CCDC138: variants seen among roughly 807,000 people sequenced by gnomAD.
CCDC138 encodes the protein coiled-coil domain containing 138, also known as coiled-coil domain-containing protein 138.
CCDC138 carries 66 observed loss-of-function variants against 82.3 expected under a neutral mutation model. That is an observed-to-expected ratio of 0.80 (90% CI 0.66 to 0.98). The LOEUF is 0.98. Ranked by LOEUF, CCDC138 falls within the 50% of genes least tolerant of loss-of-function variation. The pLI is 0.00. For synonymous variants in CCDC138, 297 were observed against 265.4 expected, an observed-to-expected ratio of 1.12 and a Z score of -1.16; for missense variants, 816 against 758.9, an observed-to-expected ratio of 1.08 and a Z score of -0.88.
At chr2:108,798,712 C>T (rs1573952005) in intron 6 of CCDC138, 126 bp downstream of exon 6, 1 of 56,040 alleles carries the variant, frequency 1.8e-5, no homozygotes, top group South Asian at 4.2e-4. Flanking sequence ...CACGCCTACA[C>T]ACACACACAC....
At chr2:108,845,853 G>A (rs991924898) in intron 11 of CCDC138, among the ~76,000 whole-genome samples, 2 of 152,156 alleles carry the variant, frequency 1.3e-5, no homozygotes, top group African/African-American at 4.8e-5. Flanking sequence ...TTACAGGCGT[G>A]AGCCACCGCG....
At chr2:108,861,228 T>C (rs1693548568) in intron 13 of CCDC138, among the ~76,000 whole-genome samples, 1 of 151,816 alleles carries the variant, frequency 6.6e-6, no homozygotes, top group Non-Finnish European at 1.5e-5. Flanking sequence ...TTTTTTTCTT[T>C]GTTGATCTAG....
intron 13 of CCDC138, among the ~76,000 whole-genome samples, chr2:108,868,648 T>C (rs1309736502): frequency 6.6e-6 from 1 of 151,840 alleles, no homozygotes; most frequent in Non-Finnish European, 1.5e-5. Flanking sequence ...CTGCTGAGAG[T>C]TTCTGGGAAA....
chr2:108,872,656 CAA>C (rs1293415733), intron 13 of CCDC138, among the ~76,000 whole-genome samples: 1 of 152,068 alleles, frequency 6.6e-6, no homozygotes, highest in East Asian at 1.9e-4. Flanking sequence ...TGGCAGAGGA[CAA>C]GAGGGCAAGA....
intron 13 of CCDC138, among the ~76,000 whole-genome samples, chr2:108,862,110 G>T (rs1574279791): frequency 7.1e-6 from 1 of 141,218 alleles, no homozygotes. Flanking sequence ...AGACTTTCCT[G>T]AGCATGTGGT....
chr2:108,857,065 GCTTTTTTTT>G, intron 13 of CCDC138, 95 bp downstream of exon 13: 1 of 55,346 alleles, frequency 1.8e-5, no homozygotes, highest in South Asian at 5.4e-4. Flanking sequence ...AGATACTATT[GCTTTTTTTT>G]TTTTTTTTTT....
At position 108,815,935 on chromosome 2, in the gene CCDC138, ATATAGG is replaced by A. The variant is rs1221151415; in HGVS notation, c.1042-3_1044del. 2.5e-6 allele frequency: 4 copies of A among 1,594,642 alleles called. No individual in the cohort carries two copies. The highest frequency in any genetic ancestry group is 3.4e-6 in the Non-Finnish European group (4 of 1,173,304). ...TGAAATAAATGATTTAATTTTTGAC[ATATAGG>A]TACCACTTAATGGGCAAGTTTATGA... On this transcript the variant is annotated splice_acceptor_variant and splice_polypyrimidine_tract_variant and coding_sequence_variant and intron_variant, in exon 10 of 15. Transcript: ENST00000295124. LOFTEE classifies it high-confidence loss of function.
chr2:108,794,568 G>A lies in CCDC138; in HGVS notation c.423G>A (p.Ser141=), dbSNP rs750439879. 3.7e-6 allele frequency: 6 copies of A among 1,611,334 alleles called. No homozygotes were observed. Among genetic ancestry groups the A allele is most frequent in the East Asian group, 4.5e-5 (2 of 44,838 alleles). ...CCTTGCCAACTAATACGACCTCATC[G>A]AGACCTCGGACTGAGTGTTGTAGTG... is the stretch of plus-strand genomic sequence containing the variant. ...KVALPTNTTS[S]RPRTECCSDA... Residue 141 remains serine (S), a synonymous_variant, in exon 5 of 15, where the codon TCG becomes TCA. Coordinates refer to ENST00000295124, the MANE Select transcript of CCDC138 (RefSeq NM_144978.3).
chr2:108,837,847 A>G (rs1004138154), intron 10 of CCDC138, among the ~76,000 whole-genome samples: 2 of 152,186 alleles, frequency 1.3e-5, no homozygotes, highest in African/African-American at 2.4e-5. Flanking sequence ...GTAAGAGAGT[A>G]TATGGCTAGT....
intron 7 of CCDC138, among the ~76,000 whole-genome samples, chr2:108,812,257 C>T (rs1020824061): frequency 3.0e-4 from 46 of 152,184 alleles, no homozygotes; most frequent in African/African-American, 1.0e-3. Context: ...TACACATAGT[C>T]CCAGTAATGC....
chr2:108,831,572 A>G (rs1293502008), intron 10 of CCDC138, among the ~76,000 whole-genome samples: 1 of 152,222 alleles, frequency 6.6e-6, no homozygotes, highest in Non-Finnish European at 1.5e-5. Context: ...ACTGAAAGTC[A>G]GATATCTAAG....
chr2:108,855,338 A>G (rs149170412), intron 12 of CCDC138, among the ~76,000 whole-genome samples: 35 of 152,332 alleles, frequency 2.3e-4, no homozygotes, highest in African/African-American at 7.9e-4. Flanking sequence ...TAAAAACTGT[A>G]TAGTATTCAA....
rs1487699078 is a variant in CCDC138 at position 108,812,834 on chromosome 2, T to A, written c.948T>A (p.Phe316Leu). The change falls in exon 9 of 15, where the codon TTT (phenylalanine) becomes TTA (leucine). Residue 316 changes from phenylalanine (F) to leucine (L), a missense_variant. By Grantham distance (22) the Phe-to-Leu change is conservative. Coordinates refer to ENST00000295124, the MANE Select transcript of CCDC138 (RefSeq NM_144978.3). ...RLDNLQRKYEFMTIQRLKGSS... is the reference protein window; with the variant it reads ...RLDNLQRKYELMTIQRLKGSS... ...TACTGTTGCAGAGGAAGTACGAGTT[T>A]ATGACAATACAGAGATTGAAAGGAA... 1 of 1,613,104 alleles carries A rather than the reference T, an allele frequency of 6.2e-7. No individual in the cohort carries two copies. Among genetic ancestry groups the A allele is most frequent in the African/African-American group, 1.3e-5 (1 of 74,850 alleles).
intron 7 of CCDC138, among the ~76,000 whole-genome samples, chr2:108,810,343 T>G (rs1273744278): frequency 2.6e-5 from 4 of 152,214 alleles, no homozygotes; most frequent in Non-Finnish European, 5.9e-5. Flanking sequence ...TTGAGAGTTT[T>G]TACTGTGAAG....
rs780802309 is a variant in CCDC138 at position 108,794,710 on chromosome 2, C to G, written c.565C>G (p.Leu189Val). The G allele has an allele frequency of 1.9e-6, 3 of 1,610,998 alleles. No individual in the cohort carries two copies. The highest frequency in any genetic ancestry group is 2.5e-6 in the Non-Finnish European group (3 of 1,177,808). ...ATATGACGAATTATTTCAGATACATCTGAAATTGCAGGTAAGAACTAAATA... is the reference window on the plus strand; with the variant it reads ...ATATGACGAATTATTTCAGATACATGTGAAATTGCAGGTAAGAACTAAATA... ...QIYDELFQIHLKLQCETAAQQ... is the reference protein window; with the variant it reads ...QIYDELFQIHVKLQCETAAQQ... The change falls in exon 5 of 15, where the codon CTG (leucine) becomes GTG (valine). Residue 189 changes from leucine to valine, a missense_variant. By Grantham distance (32) the Leu-to-Val change is conservative (BLOSUM62 1). Coordinates refer to ENST00000295124, the MANE Select transcript of CCDC138 (RefSeq NM_144978.3).
chr2:108,873,035 T>C (rs1695520205), intron 13 of CCDC138, among the ~76,000 whole-genome samples: 1 of 152,224 alleles, frequency 6.6e-6, no homozygotes, highest in African/African-American at 2.4e-5. Context: ...CTGTCATTAA[T>C]AGTCAAGTGA....
chr2:108,865,142 T>C (rs1302722294), intron 13 of CCDC138, among the ~76,000 whole-genome samples: 1 of 152,042 alleles, frequency 6.6e-6, no homozygotes, highest in Non-Finnish European at 1.5e-5. Flanking sequence ...TTTATATATA[T>C]TTTATATAGA....
intron 13 of CCDC138, among the ~76,000 whole-genome samples, chr2:108,860,053 G>T (rs1214690471): frequency 6.6e-6 from 1 of 151,928 alleles, no homozygotes; most frequent in Non-Finnish European, 1.5e-5. Flanking sequence ...TATCTTGTGT[G>T]TGTGTGGCTG....
At chr2:108,841,812 C>A (rs976012034) in intron 11 of CCDC138, among the ~76,000 whole-genome samples, 13 of 151,704 alleles carry the variant, frequency 8.6e-5, no homozygotes, top group African/African-American at 2.9e-4. Context: ...TTCTCTTTTT[C>A]ATTTCTTTGG....
Sources: gnomAD v4.1 joint callset for allele counts (sites outside exome capture counted in the v4.1 genomes callset) on GRCh38, gnomAD v4.1.1 for gene constraint, MANE v1.5 for transcripts, NCBI Gene and HGNC (gene_info 2026-07-23, HGNC 2026-07-21) for gene names.